UGT2A2: variants seen among roughly 807,000 people sequenced by gnomAD.
The protein encoded by UGT2A2 is UDP-glucuronosyltransferase 2A2.
Under a neutral mutation model 50.7 loss-of-function variants are expected in UGT2A2, and 60 were observed. The observed-to-expected ratio is 1.18, with a 90% CI of 0.96 to 1.47. UGT2A2 has a LOEUF of 1.47. UGT2A2 is among the 40% of genes most tolerant of loss of function. The pLI, the probability that UGT2A2 is intolerant of heterozygous loss-of-function variation, is 0.00. For missense variants in UGT2A2, 762 were observed against 634.0 expected (o/e 1.20, Z -2.17); for synonymous variants, 242 against 214.6 (o/e 1.13, Z -1.11).
intron 1 of UGT2A2, chr4:69,599,620 G>C: frequency 2.1e-6 from 1 of 475,472 alleles, no homozygotes. Context: ...AGGGAGGAAG[G>C]CAGGCAAGCA....
chr4:69,591,675 G>T (rs1423119991), intron 5 of UGT2A2, among the ~76,000 whole-genome samples: 1 of 152,140 alleles, frequency 6.6e-6, no homozygotes, highest in Non-Finnish European at 1.5e-5. Flanking sequence ...TGAGGAGGAA[G>T]TCCATTTGGA....
chr4:69,605,971 C>T (rs1488735271), intron 1 of UGT2A2, among the ~76,000 whole-genome samples: 1 of 136,730 alleles, frequency 7.3e-6, no homozygotes, highest in African/African-American at 3.0e-5. Context: ...CAGATGGATT[C>T]ACAGCTGAAT....
At chr4:69,590,414 T>G (rs1192564124) in intron 5 of UGT2A2, among the ~76,000 whole-genome samples, 1 of 152,242 alleles carries the variant, frequency 6.6e-6, no homozygotes, top group Non-Finnish European at 1.5e-5. Flanking sequence ...CACTTGCAGT[T>G]TCCCTAGTTG....
chr4:69,624,099 T>C (rs1720904865), intron 1 of UGT2A2, among the ~76,000 whole-genome samples: 1 of 151,602 alleles, frequency 6.6e-6, no homozygotes, highest in African/African-American at 2.4e-5. Flanking sequence ...TCTCCAAGTA[T>C]AAATGGGAAT....
At chr4:69,596,937 A>G (rs573750316) in intron 2 of UGT2A2, among the ~76,000 whole-genome samples, 2 of 152,330 alleles carry the variant, frequency 1.3e-5, no homozygotes, top group South Asian at 4.1e-4. Context: ...ACACTAAATA[A>G]GGGACAACTC....
chr4:69,638,230 A>G (rs1243031150), intron 1 of UGT2A2, among the ~76,000 whole-genome samples: 2 of 152,280 alleles, frequency 1.3e-5, no homozygotes, highest in East Asian at 1.9e-4. Flanking sequence ...AGAAGGAAAT[A>G]AAAATATAAA....
At position 69,588,840 on chromosome 4, in the gene UGT2A2, A is replaced by C. The variant is rs1718409070; in HGVS notation, c.*532T>G. The C allele has an allele frequency of 6.6e-6, 1 of 152,000 alleles. No individual in the cohort carries two copies. Among genetic ancestry groups the C allele is most frequent in the Non-Finnish European group, 1.5e-5 (1 of 68,034 alleles). 9.4% of individuals were successfully genotyped at this position (152,000 alleles called of 1,614,324 possible). A position where few individuals can be genotyped will look rare whatever the true frequency, so the allele number is the denominator to read the frequency against. The stretch of plus-strand genomic sequence containing the variant: ...CGTCACACTTAAAATTCATTCTCTA[A>C]CTCCTGAAACATTGAGCAAGCAGAA... On this transcript the variant is annotated 3_prime_UTR_variant, in exon 6 of 6. Coordinates refer to ENST00000604629, the MANE Select transcript of UGT2A2 (RefSeq NM_001105677.2).
rs893017433 is a variant in UGT2A2, at chr4:69,639,419, G to A, written c.222C>T (p.Pro74=). 2.2e-5 allele frequency: 35 copies of A among 1,613,054 alleles called. No homozygotes were observed. The Middle Eastern group carries it at 4.9e-4, about 23-fold the overall frequency. Residue 74 remains proline (P), a synonymous_variant, in exon 1 of 6, where the codon CCC becomes CCT. Coordinates refer to ENST00000604629, the MANE Select transcript of UGT2A2 (RefSeq NM_001105677.2). ...TCACTTCAAAATTCACAGGAGAATC[G>A]GGATTGGAGTTGATGAATAGAGTTG... ...SSATLFINSN[P]DSPVNFEVIP...
intron 1 of UGT2A2, among the ~76,000 whole-genome samples, chr4:69,613,646 C>A (rs1383735043): frequency 6.6e-6 from 1 of 151,914 alleles, no homozygotes; most frequent in Non-Finnish European, 1.5e-5. Flanking sequence ...TGTGATTTAT[C>A]TCATGGATGC....
At chr4:69,599,492 A>G (rs1719132790) in intron 1 of UGT2A2, 98 bp from the exon 2 acceptor site, 3 of 1,543,738 alleles carry the variant, frequency 1.9e-6, no homozygotes, top group South Asian at 1.2e-5. Flanking sequence ...GCTGTTAAGA[A>G]AAAACTGAAT....
Position 69,639,613 on chromosome 4 carries a change from G to T in UGT2A2, c.28C>A (p.Pro10Thr). 6.3e-7 allele frequency: 1 copy of T among 1,598,592 alleles called. No individual in the cohort carries two copies. Among genetic ancestry groups the T allele is most frequent in the Non-Finnish European group, 8.5e-7 (1 of 1,174,320 alleles). MVSIRDFTM[P>T]KKFVQMLVFN... ...ACCAGCATCTGGACAAACTTCTTAG[G>T]CATGGTAAAATCCCTTATGGAAACC... is the stretch of plus-strand genomic sequence containing the variant. Residue 10 changes from proline to threonine, a missense_variant, in exon 1 of 6, where the codon CCT becomes ACT. By Grantham distance (38) the Pro-to-Thr change is conservative (BLOSUM62 -1). Transcript: ENST00000604629.
chr4:69,620,054 AT>A (rs1221277717), intron 1 of UGT2A2, among the ~76,000 whole-genome samples: 2 of 152,056 alleles, frequency 1.3e-5, no homozygotes, highest in African/African-American at 4.8e-5. Context: ...AGCTGTAAGC[AT>A]TTTCCTTATA....
chr4:69,632,885 CAAAA>C (rs199639033), intron 1 of UGT2A2, among the ~76,000 whole-genome samples: 1 of 87,582 alleles, frequency 1.1e-5, no homozygotes, highest in Non-Finnish European at 2.5e-5. Context: ...AAGACTCGGT[CAAAA>C]AAAAAAAAAA....
chr4:69,639,247 T>C lies in UGT2A2; in HGVS notation c.394A>G (p.Ile132Val), dbSNP rs745503070. 7 of 1,613,706 alleles carry C rather than the reference T, an allele frequency of 4.3e-6. No homozygotes were observed. Among genetic ancestry groups the C allele is most frequent in the Admixed American group, 1.7e-5 (1 of 59,978 alleles). ...TTTAGTACACCATCACAGAGTTGTATGTTAATTTGAAAGAAAGTGTCTAGA... is the reference window on the plus strand; with the variant it reads ...TTTAGTACACCATCACAGAGTTGTACGTTAATTTGAAAGAAAGTGTCTAGA... ...KLLDTFFQIN[I>V]QLCDGVLKNP... The change falls in exon 1 of 6, where the codon ATA (isoleucine) becomes GTA (valine). Residue 132 changes from isoleucine (I) to valine (V), a missense_variant. By Grantham distance (29) the Ile-to-Val change is conservative. Coordinates refer to ENST00000604629, the MANE Select transcript of UGT2A2 (RefSeq NM_001105677.2).
At chr4:69,603,387 G>T (rs1454782941) in intron 1 of UGT2A2, among the ~76,000 whole-genome samples, 2 of 136,562 alleles carry the variant, frequency 1.5e-5, no homozygotes, top group Non-Finnish European at 3.1e-5. Flanking sequence ...AATAGTGATG[G>T]GACAGCTCCT....
At position 69,595,370 on chromosome 4, in the gene UGT2A2, G is replaced by A; in HGVS notation, c.1024-121C>T. On this transcript the variant is annotated intron_variant, in intron 3 of 5. Coordinates refer to ENST00000604629, the MANE Select transcript of UGT2A2 (RefSeq NM_001105677.2). ...GAAGACGGGAATTACATAAGCAGTA[G>A]TTTACAAACGTTGAGATACGTAGTA... is the stretch of plus-strand genomic sequence containing the variant. The A allele has an allele frequency of 2.7e-6, 3 of 1,126,580 alleles. No individual in the cohort carries two copies. In the South Asian group the frequency reaches 4.5e-5, roughly 17 times the overall value. 69.8% of individuals were successfully genotyped at this position (1,126,580 alleles called of 1,614,324 possible).
chr4:69,610,959 T>C lies in UGT2A2; in HGVS notation c.743-11565A>G, dbSNP rs796065810. 3.2e-4 allele frequency among the ~76,000 whole-genome samples: 49 copies of C among 152,270 alleles called. 1 individual carries two copies. The highest frequency in any genetic ancestry group is 1.2e-3 in the African/African-American group (49 of 41,576). ...CTTTGGTTTGTTAGTTCACATTTCC[T>C]TATGATTCTTAAAGATAATAGTTGG... is the stretch of plus-strand genomic sequence containing the variant. On this transcript the variant is annotated intron_variant, in intron 1 of 5. Transcript: ENST00000604629.
intron 1 of UGT2A2, among the ~76,000 whole-genome samples, chr4:69,638,187 T>C (rs1721826088): frequency 6.6e-6 from 1 of 152,042 alleles, no homozygotes; most frequent in African/African-American, 2.4e-5. Context: ...GTGTCCCGAG[T>C]ACTAAGAGAT....
rs985791770 is a variant in UGT2A2 at position 69,603,934 on chromosome 4, C to T, written c.743-4540G>A. Reference sequence around the variant, plus strand: ...GGACTATGTGAAAAGACCAAATCTACGTCTGATTGGTGTACCTGAAAGTGA... The same window carrying T: ...GGACTATGTGAAAAGACCAAATCTATGTCTGATTGGTGTACCTGAAAGTGA... On this transcript the variant is annotated intron_variant, in intron 1 of 5. Coordinates refer to ENST00000604629, the MANE Select transcript of UGT2A2 (RefSeq NM_001105677.2). 3.7e-5 allele frequency among the ~76,000 whole-genome samples: 5 copies of T among 136,366 alleles called. 1 individual carries two copies. The highest frequency in any genetic ancestry group is 2.1e-4 in the East Asian group (1 of 4,838). 89.5% of individuals were successfully genotyped at this position (136,366 alleles called of 152,430 possible). A position where few individuals can be genotyped will look rare whatever the true frequency, so the allele number is the denominator to read the frequency against.
Sources: allele counts gnomAD v4.1 joint callset (sites outside exome capture counted in the v4.1 genomes callset), GRCh38; gene constraint gnomAD v4.1.1; transcripts MANE v1.5; gene names NCBI Gene and HGNC (gene_info 2026-07-23, HGNC 2026-07-21).